The following DTWD1 variants were observed in gnomAD, a reference collection of about 807,000 sequenced individuals.
The protein encoded by DTWD1 is DTW motif tRNA-uridine aminocarboxypropyltransferase 1.
A neutral mutation model predicts 30.2 loss-of-function variants in DTWD1; 27 were observed. The observed-to-expected ratio is 0.90, with a 90% CI of 0.66 to 1.23. The LOEUF is 1.23. Among genes scored for constraint, DTWD1 ranks in the 50% most tolerant of loss-of-function variants. DTWD1 has a pLI of 0.00. For synonymous variants in DTWD1, 99 were observed against 113.1 expected, an observed-to-expected ratio of 0.88 and a Z score of 0.79; for missense variants, 342 against 348.8, an observed-to-expected ratio of 0.98 and a Z score of 0.15.
chr15:49,630,939 G>C, intron 2 of DTWD1: 1 of 424,572 alleles, frequency 2.4e-6, no homozygotes. Context: ...AAGGGACCTA[G>C]ATTGCATGCT....
chr15:49,622,520 G>A (rs754265274), intron 1 of DTWD1, among the ~76,000 whole-genome samples: 26 of 152,134 alleles, frequency 1.7e-4, no homozygotes, highest in Non-Finnish European at 3.7e-4. Context: ...AATGATGGAC[G>A]CACCATCAAG....
At chr15:49,631,908 C>T (rs527392510) in intron 2 of DTWD1, 1 of 432,654 alleles carries the variant, frequency 2.3e-6, no homozygotes, top group Admixed American at 3.6e-5. Context: ...TGGAGCTTTG[C>T]TTTAAGAGAA....
intron 2 of DTWD1, among the ~76,000 whole-genome samples, chr15:49,627,164 C>T (rs1466654175): frequency 1.3e-5 from 2 of 152,004 alleles, no homozygotes; most frequent in Admixed American, 6.6e-5. Flanking sequence ...GTCTAATATA[C>T]ACCATTTAAT....
At chr15:49,626,205 A>G (rs1205354046) in intron 2 of DTWD1, among the ~76,000 whole-genome samples, 2 of 152,166 alleles carry the variant, frequency 1.3e-5, no homozygotes, top group Non-Finnish European at 2.9e-5. Flanking sequence ...AGGAGCTCCA[A>G]ACACTCATGT....
At chr15:49,628,273 A>G (rs1215103552) in intron 2 of DTWD1, among the ~76,000 whole-genome samples, 1 of 152,156 alleles carries the variant, frequency 6.6e-6, no homozygotes, top group Non-Finnish European at 1.5e-5. Context: ...TACCTCCTTA[A>G]GGACCTGCCT....
rs1375541939 is a variant in DTWD1 at position 49,653,041 on chromosome 15, T to A, written c.*9463T>A. On this transcript the variant is annotated 3_prime_UTR_variant, in exon 5 of 5. Coordinates refer to ENST00000403028, the MANE Select transcript of DTWD1 (RefSeq NM_001144955.2). ...TTGAGAAATCCCAAATCAGTTTTTT[T>A]TCAGCATATGACATTTTGGAGTAGT... 6.6e-6 allele frequency: 1 copy of A among 152,160 alleles called. No homozygotes were observed. Among genetic ancestry groups the A allele is most frequent in the Non-Finnish European group, 1.5e-5 (1 of 68,030 alleles). 9.4% of individuals were successfully genotyped at this position (152,160 alleles called of 1,614,324 possible). A position where few individuals can be genotyped will look rare whatever the true frequency, so the allele number is the denominator to read the frequency against.
chr15:49,622,213 A>G (rs1258002307), intron 1 of DTWD1, among the ~76,000 whole-genome samples: 1 of 152,204 alleles, frequency 6.6e-6, no homozygotes, highest in Non-Finnish European at 1.5e-5. Flanking sequence ...CAGGGAAGGA[A>G]TCTGCTCTTA....
chr15:49,631,748 G>A (rs901794754), intron 2 of DTWD1, among the ~76,000 whole-genome samples: 2 of 152,160 alleles, frequency 1.3e-5, no homozygotes, highest in African/African-American at 4.8e-5. Context: ...GTGGCAGAGT[G>A]AGAGTCCATC....
At position 49,653,430 on chromosome 15, in the gene DTWD1, T is replaced by C. The variant is rs1490010057; in HGVS notation, c.*9852T>C. The C allele has an allele frequency of 6.6e-6, 1 of 152,154 alleles. No individual in the cohort carries two copies. The highest frequency in any genetic ancestry group is 2.4e-5 in the African/African-American group (1 of 41,448). The allele number at this position is 152,154 out of a possible 1,614,324, so 9.4% of individuals were successfully genotyped here. A position where few individuals can be genotyped will look rare whatever the true frequency, so the allele number is the denominator to read the frequency against. On this transcript the variant is annotated 3_prime_UTR_variant, in exon 5 of 5. Transcript: ENST00000403028. ...AAAGGAATGCAGTTCAGCTAACATC[T>C]TGATTTTAGATCAGTGAGATTTTTG...
intron 4 of DTWD1, among the ~76,000 whole-genome samples, chr15:49,637,644 A>T (rs1357696641): frequency 6.6e-6 from 1 of 152,176 alleles, no homozygotes; most frequent in Non-Finnish European, 1.5e-5. Flanking sequence ...CAGTTACTTT[A>T]CTTGTCCATG....
intron 3 of DTWD1, 138 bp downstream of exon 3, chr15:49,632,440 A>G (rs1019780820): frequency 1.3e-6 from 1 of 794,718 alleles, no homozygotes; most frequent in Non-Finnish European, 1.9e-6. Context: ...GTTAGACAAT[A>G]TACAGTTTAT....
intron 3 of DTWD1, 118 bp downstream of exon 3, chr15:49,632,420 C>A (rs1213612166): frequency 2.0e-6 from 2 of 976,218 alleles, no homozygotes; most frequent in Non-Finnish European, 3.0e-6. Flanking sequence ...AAGTATTATG[C>A]TCAGGTAATG....
intron 4 of DTWD1, among the ~76,000 whole-genome samples, chr15:49,641,722 T>TTTTG (rs201413504): frequency 1.2e-4 from 18 of 152,090 alleles, no homozygotes; most frequent in South Asian, 2.1e-4. Context: ...AGTTCTGTTT[T>TTTTG]TTTGTTTGTT....
chr15:49,642,939 A>C (rs2079082422), intron 4 of DTWD1, among the ~76,000 whole-genome samples: 1 of 152,106 alleles, frequency 6.6e-6, no homozygotes, highest in Admixed American at 6.5e-5. Flanking sequence ...TAAACAAAAA[A>C]GTCAGTTTGT....
chr15:49,625,496 C>G (rs1177834262), intron 2 of DTWD1, 65 bp downstream of exon 2: 1 of 1,351,206 alleles, frequency 7.4e-7, no homozygotes, highest in East Asian at 2.4e-5. Flanking sequence ...CTCATGTATA[C>G]CTACTCTAAT....
In DTWD1 at chr15:49,650,778, C is replaced by T. The variant is rs1404793813; in HGVS notation, c.*7200C>T. The T allele has an allele frequency of 1.3e-5, 2 of 152,176 alleles. No homozygotes were observed. Among genetic ancestry groups the T allele is most frequent in the African/African-American group, 2.4e-5 (1 of 41,418 alleles). The allele number at this position is 152,176 out of a possible 1,614,324, so 9.4% of individuals were successfully genotyped here. A position where few individuals can be genotyped will look rare whatever the true frequency, so the allele number is the denominator to read the frequency against. On this transcript the variant is annotated 3_prime_UTR_variant, in exon 5 of 5. Coordinates refer to ENST00000403028, the MANE Select transcript of DTWD1 (RefSeq NM_001144955.2). ...TTCCTCAGAGCTCCCTCTATTACAA[C>T]TTAATTTCTTCTTCTGCCCAATCCT...
At chr15:49,643,264 T>C (rs924581943) in intron 4 of DTWD1, 67 bp from the exon 5 acceptor site, 8 of 1,427,016 alleles carry the variant, frequency 5.6e-6, no homozygotes, top group Non-Finnish European at 7.4e-6. Flanking sequence ...GTACCAAGCC[T>C]GTGGTTAAGA....
rs2079162304 is a variant in DTWD1 at position 49,653,188 on chromosome 15, T to C, written c.*9610T>C. 2 of 152,116 alleles carry C rather than the reference T, an allele frequency of 1.3e-5. No homozygotes were observed. The highest frequency in any genetic ancestry group is 4.1e-4 in the South Asian group (2 of 4,824). 9.4% of individuals were successfully genotyped at this position (152,116 alleles called of 1,614,324 possible). On this transcript the variant is annotated 3_prime_UTR_variant, in exon 5 of 5. Transcript: ENST00000403028. ...TGTCATTAAGTTAAGCACTTTGAAA[T>C]GTAGAGATTATCCTGAATTATCTAG... is the stretch of plus-strand genomic sequence containing the variant.
chr15:49,643,325 T>TTTA lies in DTWD1; in HGVS notation c.668-6_668-5insTTA. On this transcript the variant is annotated splice_polypyrimidine_tract_variant and splice_region_variant and intron_variant, in intron 4 of 4. Coordinates refer to ENST00000403028, the MANE Select transcript of DTWD1 (RefSeq NM_001144955.2). ...TTCTTTCTTTTTTTTTTTTTTTTTT[T>TTTA]GACAGGGTTGTTACAAGTTGAGTTG... 6.9e-7 allele frequency: 1 copy of TTTA among 1,456,174 alleles called. No individual in the cohort carries two copies. Among genetic ancestry groups the TTTA allele is most frequent in the South Asian group, 1.5e-5 (1 of 66,588 alleles). 90.2% of individuals were successfully genotyped at this position (1,456,174 alleles called of 1,614,324 possible). A position where few individuals can be genotyped will look rare whatever the true frequency, so the allele number is the denominator to read the frequency against.
Sources: allele counts gnomAD v4.1 joint callset (sites outside exome capture counted in the v4.1 genomes callset), GRCh38; gene constraint gnomAD v4.1.1; transcripts MANE v1.5; gene names NCBI Gene and HGNC (gene_info 2026-07-23, HGNC 2026-07-21).